Variants in RNF31 observed in about 807,000 individuals in gnomAD.
RNF31 encodes the protein E3 ubiquitin-protein ligase RNF31.
Under a neutral mutation model 133.6 loss-of-function variants are expected in RNF31, and 38 were observed. The ratio of observed to expected loss-of-function variants is 0.28; its 90% CI spans 0.22 to 0.37. The LOEUF (loss-of-function observed/expected upper bound fraction) is 0.37. RNF31 is among the 10% of genes least tolerant of loss of function. The pLI is 1.00. For missense variants in RNF31, 1,118 were observed against 1,394.1 expected, an observed-to-expected ratio of 0.80 and a Z score of 3.15; for synonymous variants, 582 against 552.3, an observed-to-expected ratio of 1.05 and a Z score of -0.75.
At chr14:24,154,026 C>G (rs2038306329) in intron 11 of RNF31, among the ~76,000 whole-genome samples, 1 of 152,214 alleles carries the variant, frequency 6.6e-6, no homozygotes, top group Non-Finnish European at 1.5e-5. Context: ...GACGGAGTCT[C>G]GCTCTGTCGC....
chr14:24,154,930 A>T, intron 11 of RNF31: 1 of 562,712 alleles, frequency 1.8e-6, no homozygotes, highest in South Asian at 2.3e-5. Context: ...ATGTTTTTAT[A>T]GGCACTTTTG....
chr14:24,154,633 C>T (rs1307999186), intron 11 of RNF31, among the ~76,000 whole-genome samples: 6 of 152,178 alleles, frequency 3.9e-5, no homozygotes, highest in Admixed American at 3.9e-4. Flanking sequence ...AGAAATAAGA[C>T]ATTGCTCCAA....
chr14:24,158,495 A>G (rs891009878), intron 18 of RNF31: 8 of 464,230 alleles, frequency 1.7e-5, no homozygotes, highest in Non-Finnish European at 3.1e-5. Context: ...TGAGTGTTTA[A>G]TGAGAAGTGC....
intron 5 of RNF31, 156 bp from the exon 6 acceptor site, chr14:24,149,250 A>T: frequency 1.3e-6 from 1 of 781,994 alleles, no homozygotes; most frequent in South Asian, 1.9e-5. Context: ...TGCATGAGCC[A>T]CCACGCCCGG....
In RNF31 at chr14:24,160,396, C is replaced by T. The variant is rs547569742; in HGVS notation, c.3154C>T (p.Arg1052Cys). Residue 1052 changes from arginine (R) to cysteine (C), a missense_variant, in exon 20 of 21, where the codon CGC becomes TGC. Coordinates refer to ENST00000324103, the MANE Select transcript of RNF31 (RefSeq NM_017999.5). This position sits in a 1 kb window ranked among gnomAD's most constrained non-coding sequence, Gnocchi z 4.0. ...AGAGGATCCCCCTGCTTACCAGGCC[C>T]GCTTGTTACAGGTATAGCCTCCACC... Reference protein sequence around the residue: ...AGEDPPAYQARLLQKLTEEVP... With the variant: ...AGEDPPAYQACLLQKLTEEVP... The T allele has an allele frequency of 6.2e-6, 10 of 1,614,080 alleles. No homozygotes were observed. Among genetic ancestry groups the T allele is most frequent in the South Asian group, 2.2e-5 (2 of 91,080 alleles).
rs1368681770 is a variant in RNF31, at chr14:24,148,685, A to G, written c.539A>G (p.Asp180Gly). 1 of 1,614,234 alleles carries G rather than the reference A, an allele frequency of 6.2e-7. No homozygotes were observed. The highest frequency in any genetic ancestry group is 8.5e-7 in the Non-Finnish European group (1 of 1,180,046). The change falls in exon 4 of 21, where the codon GAC becomes GGC. Residue 180 changes from aspartate (D) to glycine (G), a missense_variant. By Grantham distance (94) the Asp-to-Gly change is moderately conservative. Transcript: ENST00000324103. ...CAGGCACTGGAGCAGCTGTTGGAAG[A>G]CAAGGTTGAAGATGATGTAAGGAAG... ...RQQALEQLLE[D>G]KVEDDMLQLS... is the part of the protein sequence containing the mutation.
chr14:24,148,163 G>A lies in RNF31; in HGVS notation c.339+41G>A, dbSNP rs761349523. The A allele has an allele frequency of 3.1e-6, 5 of 1,613,380 alleles. No individual in the cohort carries two copies. The African/African-American group carries it at 5.3e-5, about 17-fold the overall frequency. On this transcript the variant is annotated intron_variant, in intron 2 of 20. Coordinates refer to ENST00000324103, the MANE Select transcript of RNF31 (RefSeq NM_017999.5). ...TTATGGGAGAGGGGGCTGGGGTTTG[G>A]CTAGAAAAGGCCTGAGGTTGTGCTG...
rs2038239033 is a variant in RNF31 at position 24,150,056 on chromosome 14, TAC to T, written c.810-3_810-2del. ...CAGCAGGCCATGTCTGCTTTTCCAT[TAC>T]AGTTTACCTGCCTCAGCCCAACCAC... On this transcript the variant is annotated splice_polypyrimidine_tract_variant and splice_region_variant and intron_variant, in intron 6 of 20. Transcript: ENST00000324103. The T allele has an allele frequency of 6.4e-7, 1 of 1,553,794 alleles. No individual in the cohort carries two copies.
rs1397412339 is a variant in RNF31 at position 24,149,419 on chromosome 14, T to TCCCTGCTTCCTCTGTGGTTCTGCC, written c.648_671dup (p.Cys217_Pro224dup). The TCCCTGCTTCCTCTGTGGTTCTGCC allele has an allele frequency of 6.2e-7, 1 of 1,613,958 alleles. No individual in the cohort carries two copies. The highest frequency in any genetic ancestry group is 8.5e-7 in the Non-Finnish European group (1 of 1,179,840). On this transcript the variant is annotated inframe_insertion, in exon 6 of 21. Coordinates refer to ENST00000324103, the MANE Select transcript of RNF31 (RefSeq NM_017999.5). ...CCTGCCCTCCAGGCTCCACTCCTGG[T>TCCCTGCTTCCTCTGTGGTTCTGCC]CCCTGCTTCCTCTGTGGTTCTGCCC...
chr14:24,153,761 G>A (rs1036252796), intron 11 of RNF31, among the ~76,000 whole-genome samples: 7 of 150,776 alleles, frequency 4.6e-5, no homozygotes, highest in Admixed American at 1.3e-4. Context: ...AAAATTAGCC[G>A]GGTGTGGTAG....
chr14:24,160,473 C>G lies in RNF31; in HGVS notation c.3166-47C>G. 1 of 1,577,326 alleles carries G rather than the reference C, an allele frequency of 6.3e-7. No homozygotes were observed. The highest frequency in any genetic ancestry group is 8.6e-7 in the Non-Finnish European group (1 of 1,156,830). On this transcript the variant is annotated intron_variant, in intron 20 of 20. Transcript: ENST00000324103. This position sits in a 1 kb window ranked among gnomAD's most constrained non-coding sequence, Gnocchi z 4.0. ...AGAAGTCACCTGGTGCTGACTGTGT[C>G]TGAGCTCCAGGCTTCCAATATCATT...
rs781515500 is a variant in RNF31 at position 24,158,211 on chromosome 14, G to A, written c.2899+12G>A. On this transcript the variant is annotated intron_variant, in intron 18 of 20. Transcript: ENST00000324103. ...GGCAGTCCCTGGAGGTGAGTGTTAGGACAAGCCTTTGAGAAGAGGAGATGG... is the reference window on the plus strand; with the variant it reads ...GGCAGTCCCTGGAGGTGAGTGTTAGAACAAGCCTTTGAGAAGAGGAGATGG... The A allele has an allele frequency of 6.2e-7, 1 of 1,613,638 alleles. No individual in the cohort carries two copies. The highest frequency in any genetic ancestry group is 2.2e-5 in the East Asian group (1 of 44,888).
chr14:24,158,113 T>C, intron 17 of RNF31, 29 bp from the exon 18 acceptor site: 2 of 1,613,894 alleles, frequency 1.2e-6, no homozygotes, highest in Non-Finnish European at 1.7e-6. Flanking sequence ...TCAAGGGGAA[T>C]GTAACACCCA....
Position 24,160,255 on chromosome 14 carries a change from T to C in RNF31, c.3013T>C (p.Tyr1005His). 1.2e-6 allele frequency: 2 copies of C among 1,613,496 alleles called. No individual in the cohort carries two copies. Among genetic ancestry groups the C allele is most frequent in the Non-Finnish European group, 1.7e-6 (2 of 1,179,930 alleles). Residue 1005 changes from tyrosine to histidine, a missense_variant, in exon 20 of 21, where the codon TAT becomes CAT. Transcript: ENST00000324103. This position sits in a 1 kb window ranked among gnomAD's most constrained non-coding sequence, Gnocchi z 4.0. ...AGLCQAHYKE[Y>H]LVSLINAHSL... The stretch of plus-strand genomic sequence containing the variant: ...TCTCCCCAGGGCACACTACAAAGAG[T>C]ATCTTGTGAGCCTCATCAATGCCCA...
chr14:24,159,986 G>T (rs766206399), intron 19 of RNF31, 26 bp downstream of exon 19: 3 of 1,603,226 alleles, frequency 1.9e-6, no homozygotes, highest in African/African-American at 2.7e-5. Context: ...ACATGGGCAT[G>T]GTGTTGGGCA....
At chr14:24,159,426 A>G (rs1171273670) in intron 18 of RNF31, among the ~76,000 whole-genome samples, 3 of 151,506 alleles carry the variant, frequency 2.0e-5, no homozygotes, top group African/African-American at 7.3e-5. Context: ...TAATCCCAGC[A>G]CTTTGGGAGG....
chr14:24,156,006 C>T (rs1348945256), intron 14 of RNF31, among the ~76,000 whole-genome samples: 1 of 152,148 alleles, frequency 6.6e-6, no homozygotes, highest in Non-Finnish European at 1.5e-5. Flanking sequence ...AGTGGACCTA[C>T]TTAGGGTAGA....
intron 11 of RNF31, chr14:24,154,858 G>A (rs1486240692): frequency 2.4e-6 from 1 of 410,884 alleles, no homozygotes. Context: ...CCATGAAGCT[G>A]TTCTCCACCT....
intron 11 of RNF31, among the ~76,000 whole-genome samples, chr14:24,153,028 C>T (rs999621811): frequency 6.6e-6 from 1 of 151,684 alleles, no homozygotes; most frequent in Non-Finnish European, 1.5e-5. Context: ...TTGCAGTGAG[C>T]CGAGATCGCG....
Sources: gnomAD v4.1 joint callset for allele counts (sites outside exome capture counted in the v4.1 genomes callset) on GRCh38, gnomAD v4.1.1 for gene constraint, Gnocchi (gnomAD v3.1) non-coding constraint, MANE v1.5 for transcripts, NCBI Gene and HGNC (gene_info 2026-07-23, HGNC 2026-07-21) for gene names.